The following RAPGEF6 variants were observed in gnomAD, a reference collection of about 807,000 sequenced individuals.
RAPGEF6 encodes the protein PDZ domain containing guanine nucleotide exchange factor (GEF) 2.
In RAPGEF6, 56 loss-of-function variants were observed where a neutral mutation model predicts 171.4. The observed-to-expected ratio is 0.33, with a 90% CI of 0.26 to 0.41. The LOEUF (loss-of-function observed/expected upper bound fraction) is 0.41, where lower values mean the gene tolerates loss of function less well. Ranked by LOEUF, RAPGEF6 falls within the 10% of genes least tolerant of loss-of-function variation. The pLI, the probability that RAPGEF6 is intolerant of heterozygous loss-of-function variation, is 1.00. For missense variants in RAPGEF6, 1,674 were observed against 1,921.4 expected (o/e 0.87, Z 2.41); for synonymous variants, 692 against 650.1 (o/e 1.06, Z -0.98).
At chr5:131,566,792 T>C (rs1039849711) in intron 4 of RAPGEF6, among the ~76,000 whole-genome samples, 11 of 152,114 alleles carry the variant, frequency 7.2e-5, no homozygotes, top group Admixed American at 2.6e-4. Context: ...TTGCCCAATT[T>C]ATTGATAGCA....
chr5:131,588,312 G>A (rs1034080977), intron 4 of RAPGEF6, among the ~76,000 whole-genome samples: 4 of 152,148 alleles, frequency 2.6e-5, no homozygotes, highest in African/African-American at 4.8e-5. Context: ...ACTGGCCCAC[G>A]TGACTGATTC....
chr5:131,599,685 A>G (rs1764112627), intron 3 of RAPGEF6, among the ~76,000 whole-genome samples: 2 of 152,344 alleles, frequency 1.3e-5, no homozygotes, highest in Admixed American at 1.3e-4. Flanking sequence ...TTTACATTTT[A>G]GAAAATTTGT....
rs1753231669 is a variant in RAPGEF6, at chr5:131,453,259, G to A, written c.3077-82C>T. On this transcript the variant is annotated intron_variant, in intron 20 of 27. Transcript: ENST00000509018. Reference sequence around the variant, plus strand: ...CAAAAGTCAAGCTGGTAATCTTGAGGGGCACAAAGAAGGACCTTCTTTATC... The same window carrying A: ...CAAAAGTCAAGCTGGTAATCTTGAGAGGCACAAAGAAGGACCTTCTTTATC... The A allele has an allele frequency of 2.7e-6, 4 of 1,477,168 alleles. No individual in the cohort carries two copies. The South Asian group carries it at 5.5e-5, about 20-fold the overall frequency. The allele number at this position is 1,477,168 out of a possible 1,614,324, so 91.5% of individuals were successfully genotyped here. A position where few individuals can be genotyped will look rare whatever the true frequency, so the allele number is the denominator to read the frequency against.
At chr5:131,528,313 T>TTATATATATATATATA (rs71590767) in intron 6 of RAPGEF6, among the ~76,000 whole-genome samples, 12 of 48,830 alleles carry the variant, frequency 2.5e-4, no homozygotes, top group African/African-American at 7.9e-4. Flanking sequence ...TATATTTATA[T>TTATATATATATATATA]TATATATATA....
chr5:131,548,400 A>G (rs969224655), intron 5 of RAPGEF6, among the ~76,000 whole-genome samples: 1 of 152,200 alleles, frequency 6.6e-6, no homozygotes, highest in Non-Finnish European at 1.5e-5. Flanking sequence ...TCCGTCCAGG[A>G]AACAGTCTCT....
Position 131,449,990 on chromosome 5 carries a change from C to T in RAPGEF6, c.3200+3064G>A, listed in dbSNP as rs140127852. 1.1e-3 allele frequency: 1,610 copies of T among 1,527,716 alleles called. 12 individuals carry two copies. In the African/African-American group the frequency reaches 0.011, roughly 10 times the overall value. The allele number at this position is 1,527,716 out of a possible 1,614,324, so 94.6% of individuals were successfully genotyped here. On this transcript the variant is annotated intron_variant, in intron 21 of 27. Transcript: ENST00000509018. ...CAATATATGTTAAGAGTCGCACAACCTTCATTCCAGTTGCGTTCATCTCTA... is the reference window on the plus strand; with the variant it reads ...CAATATATGTTAAGAGTCGCACAACTTTCATTCCAGTTGCGTTCATCTCTA...
At chr5:131,431,949 C>T (rs1479578829) in intron 25 of RAPGEF6, among the ~76,000 whole-genome samples, 2 of 152,096 alleles carry the variant, frequency 1.3e-5, no homozygotes, top group African/African-American at 2.4e-5. Context: ...TATTTTTCAA[C>T]GTACCTCTGA....
intron 15 of RAPGEF6, among the ~76,000 whole-genome samples, chr5:131,481,901 G>A (rs1755512935): frequency 6.6e-6 from 1 of 152,220 alleles, no homozygotes; most frequent in Admixed American, 6.5e-5. Context: ...TGTAAATTGT[G>A]TAAATATGCC....
At position 131,485,750 on chromosome 5, in the gene RAPGEF6, G is replaced by T. The variant is rs144126154; in HGVS notation, c.1840+3796C>A. ...GTCCAGGTTTACTATTAAGTTCAGT[G>T]AGAGATGAAGGGTGGTGTGTGTTTA... On this transcript the variant is annotated intron_variant, in intron 15 of 27. Coordinates refer to ENST00000509018, the MANE Select transcript of RAPGEF6 (RefSeq NM_016340.6). Among the ~76,000 whole-genome samples, 492 of 152,310 alleles carry T rather than the reference G, an allele frequency of 3.2e-3. 6 individuals are homozygous for T. Among genetic ancestry groups the T allele is most frequent in the African/African-American group, 0.011 (471 of 41,568 alleles).
intron 15 of RAPGEF6, among the ~76,000 whole-genome samples, chr5:131,484,627 G>A (rs955475425): frequency 6.6e-6 from 1 of 152,094 alleles, no homozygotes; most frequent in African/African-American, 2.4e-5. Flanking sequence ...TATCATATAG[G>A]TGGATCTATA....
At chr5:131,483,540 G>C (rs1007343122) in intron 15 of RAPGEF6, among the ~76,000 whole-genome samples, 32 of 152,058 alleles carry the variant, frequency 2.1e-4, no homozygotes, top group Admixed American at 1.9e-3. Context: ...ATCAGACATT[G>C]TACATGAATC....
At chr5:131,444,350 T>C (rs1443448685) in intron 22 of RAPGEF6, among the ~76,000 whole-genome samples, 2 of 152,200 alleles carry the variant, frequency 1.3e-5, no homozygotes, top group East Asian at 1.9e-4. Flanking sequence ...CCTTCTCTCA[T>C]TGATTGGTAA....
At chr5:131,429,493 C>T (rs1307031287) in intron 26 of RAPGEF6, among the ~76,000 whole-genome samples, 1 of 152,034 alleles carries the variant, frequency 6.6e-6, no homozygotes, top group Non-Finnish European at 1.5e-5. Flanking sequence ...GCAATTCAGC[C>T]CCCATATCAC....
intron 6 of RAPGEF6, among the ~76,000 whole-genome samples, chr5:131,547,384 C>G (rs1760618575): frequency 6.6e-6 from 1 of 152,080 alleles, no homozygotes; most frequent in Non-Finnish European, 1.5e-5. Flanking sequence ...AAACTGGTAA[C>G]TATGAAACCT....
At chr5:131,487,924 C>G (rs1397861388) in intron 15 of RAPGEF6, among the ~76,000 whole-genome samples, 1 of 152,116 alleles carries the variant, frequency 6.6e-6, no homozygotes, top group Non-Finnish European at 1.5e-5. Flanking sequence ...ACAAATATTC[C>G]TTTGTAATTT....
rs1753222103 is a variant in RAPGEF6 at position 131,453,113 on chromosome 5, G to A, written c.3141C>T (p.Ile1047=). 3.1e-6 allele frequency: 5 copies of A among 1,613,764 alleles called. No homozygotes were observed. The South Asian group carries it at 3.3e-5, about 11-fold the overall frequency. Residue 1047 remains isoleucine (I), a synonymous_variant, in exon 21 of 28, where the codon ATC becomes ATT. Transcript: ENST00000509018. ...CAGAAGTCATTCGAACAACTTGGCGGATTTCCTTGGAAATCATTCTTAACT... is the reference window on the plus strand; with the variant it reads ...CAGAAGTCATTCGAACAACTTGGCGAATTTCCTTGGAAATCATTCTTAACT... ...FEKLRMISKE[I]RQVVRMTSAN...
Position 131,431,301 on chromosome 5 carries a change from C to T in RAPGEF6, c.4023G>A (p.Ser1341=), listed in dbSNP as rs764135751. The T allele has an allele frequency of 1.6e-5, 25 of 1,612,826 alleles. No homozygotes were observed. The highest frequency in any genetic ancestry group is 8.8e-5 in the South Asian group (8 of 91,076). Residue 1341 remains serine (S), a synonymous_variant, in exon 26 of 28, where the codon TCG becomes TCA. Coordinates refer to ENST00000509018, the MANE Select transcript of RAPGEF6 (RefSeq NM_016340.6). ...PSLIKCLAVS[S]SVSNEEISQE... ...GAGAAATCTCTTCATTGCTCACAGA[C>T]GATGAGACAGCTAAACACTTGATTA... is the stretch of plus-strand genomic sequence containing the variant.
At chr5:131,534,275 T>G (rs531640745) in intron 6 of RAPGEF6, among the ~76,000 whole-genome samples, 1 of 152,214 alleles carries the variant, frequency 6.6e-6, no homozygotes, top group South Asian at 2.1e-4. Flanking sequence ...AATAAGTTCT[T>G]CAATATCTTT....
At chr5:131,604,103 T>C (rs1764407115) in intron 2 of RAPGEF6, among the ~76,000 whole-genome samples, 1 of 152,074 alleles carries the variant, frequency 6.6e-6, no homozygotes, top group African/African-American at 2.4e-5. Context: ...CCACAGGAGC[T>C]TAGGCCAAAT....
Sources: allele counts gnomAD v4.1 joint callset (sites outside exome capture counted in the v4.1 genomes callset), GRCh38; gene constraint gnomAD v4.1.1; transcripts MANE v1.5; gene names NCBI Gene and HGNC (gene_info 2026-07-23, HGNC 2026-07-21).